SLC16A7: variants seen among roughly 807,000 people sequenced by gnomAD.
SLC16A7 encodes monocarboxylate transporter 2.
A neutral mutation model predicts 34.9 loss-of-function variants in SLC16A7; 33 were observed. The ratio of observed to expected loss-of-function variants is 0.94; its 90% CI spans 0.72 to 1.26. The LOEUF (loss-of-function observed/expected upper bound fraction) is 1.26. Ranked by LOEUF, SLC16A7 falls within the 50% of genes most tolerant of loss-of-function variation. The pLI, the probability that SLC16A7 is intolerant of heterozygous loss-of-function variation, is 0.00. For synonymous variants in SLC16A7, 201 were observed against 206.6 expected, an observed-to-expected ratio of 0.97 and a Z score of 0.23; for missense variants, 573 against 578.1, an observed-to-expected ratio of 0.99 and a Z score of 0.09.
intron 2 of SLC16A7, among the ~76,000 whole-genome samples, chr12:59,681,956 C>T (rs191196570): frequency 0.071 from 10,808 of 152,128 alleles, 424 homozygotes; most frequent in Middle Eastern, 0.17. Flanking sequence ...AATCTCATAA[C>T]ACAGCTTCAT....
chr12:59,736,862 C>A (rs975618724), intron 3 of SLC16A7, among the ~76,000 whole-genome samples: 10 of 152,212 alleles, frequency 6.6e-5, no homozygotes, highest in African/African-American at 2.4e-4. Context: ...GCCTTCCAAT[C>A]CCTCCCACTG....
chr12:59,688,448 T>C (rs1455794909), intron 2 of SLC16A7, among the ~76,000 whole-genome samples: 1 of 152,084 alleles, frequency 6.6e-6, no homozygotes, highest in African/African-American at 2.4e-5. Flanking sequence ...ACAAGATATT[T>C]GACATCTTTG....
chr12:59,697,021 CAT>C (rs1281769828), intron 2 of SLC16A7, among the ~76,000 whole-genome samples: 4 of 151,744 alleles, frequency 2.6e-5, no homozygotes, highest in South Asian at 4.1e-4. Flanking sequence ...AACGCTTAAT[CAT>C]ATGTTTTTTA....
At chr12:59,708,217 T>A (rs1184246711) in intron 3 of SLC16A7, among the ~76,000 whole-genome samples, 1 of 152,094 alleles carries the variant, frequency 6.6e-6, no homozygotes, top group Non-Finnish European at 1.5e-5. Flanking sequence ...TTACTCACAT[T>A]GCAGTCTTTC....
chr12:59,754,118 G>T (rs1337838676), intron 3 of SLC16A7, among the ~76,000 whole-genome samples: 2 of 152,080 alleles, frequency 1.3e-5, no homozygotes, highest in Non-Finnish European at 2.9e-5. Flanking sequence ...TGTGTAGAGG[G>T]AAATTTATAG....
At chr12:59,744,866 G>A (rs1033128455) in intron 3 of SLC16A7, among the ~76,000 whole-genome samples, 8 of 152,114 alleles carry the variant, frequency 5.3e-5, no homozygotes, top group African/African-American at 1.7e-4. Flanking sequence ...TCCCTCTTGC[G>A]AGGGGTGAAA....
intron 3 of SLC16A7, among the ~76,000 whole-genome samples, chr12:59,712,220 G>C (rs1330281109): frequency 6.6e-6 from 1 of 152,148 alleles, no homozygotes; most frequent in Non-Finnish European, 1.5e-5. Flanking sequence ...ATTATGCAGT[G>C]AAACTGCAGA....
At chr12:59,718,103 G>A (rs954784484) in intron 3 of SLC16A7, among the ~76,000 whole-genome samples, 1 of 152,046 alleles carries the variant, frequency 6.6e-6, no homozygotes, top group African/African-American at 2.4e-5. Flanking sequence ...AATTTAATAA[G>A]GTCAAAATTA....
rs760568544 is a variant in SLC16A7, at chr12:59,642,819, A to G, written c.-129-12333A>G. 3.3e-5 allele frequency among the ~76,000 whole-genome samples: 5 copies of G among 152,094 alleles called. No homozygotes were observed. The South Asian group carries it at 6.2e-4, about 19-fold the overall frequency. ...GAGTTCAGTTGAGATAGATTCCATAATTGTTGTGAAGAATTTGGAAATTGT... is the reference window on the plus strand; with the variant it reads ...GAGTTCAGTTGAGATAGATTCCATAGTTGTTGTGAAGAATTTGGAAATTGT... On this transcript the variant is annotated intron_variant, in intron 1 of 5. Coordinates refer to ENST00000547379, the MANE Select transcript of SLC16A7 (RefSeq NM_001270623.2).
chr12:59,629,679 G>T (rs1296083859), intron 1 of SLC16A7, among the ~76,000 whole-genome samples: 1 of 151,836 alleles, frequency 6.6e-6, no homozygotes, highest in Non-Finnish European at 1.5e-5. Context: ...AGATTTTATT[G>T]TCATTGCCAC....
At chr12:59,749,911 A>G (rs906616588) in intron 3 of SLC16A7, among the ~76,000 whole-genome samples, 6 of 152,222 alleles carry the variant, frequency 3.9e-5, no homozygotes, top group Non-Finnish European at 7.3e-5. Context: ...GAAAGTTTCC[A>G]AACCAGCGCC....
Position 59,771,244 on chromosome 12 carries a change from T to C in SLC16A7, c.243T>C (p.Asn81=). The C allele has an allele frequency of 6.2e-7, 1 of 1,613,292 alleles. No individual in the cohort carries two copies. Among genetic ancestry groups the C allele is most frequent in the Non-Finnish European group, 8.5e-7 (1 of 1,179,536 alleles). ...GTCCTGTAAGTAGTGTTTTGGTGAA[T>C]AAATACGGCAGCCGGCCGGTGGTGA... ...AGGPVSSVLV[N]KYGSRPVVIA... is the part of the protein sequence containing the mutation. Residue 81 remains asparagine (N), a synonymous_variant, in exon 4 of 6, where the codon AAT becomes AAC. Coordinates refer to ENST00000547379, the MANE Select transcript of SLC16A7 (RefSeq NM_001270623.2).
At chr12:59,694,560 A>G (rs1490944859) in intron 2 of SLC16A7, among the ~76,000 whole-genome samples, 1 of 151,922 alleles carries the variant, frequency 6.6e-6, no homozygotes, top group Non-Finnish European at 1.5e-5. Context: ...CTCATTCCAC[A>G]TGGTTTAAGT....
rs933182380 is a variant in SLC16A7 at position 59,786,094 on chromosome 12, G to A, written c.*6415G>A. ...AGATATACCTAATGCTAGGTGACGA[G>A]TTAGTGGGTGCAGCGCACCAGCATG... On this transcript the variant is annotated 3_prime_UTR_variant, in exon 6 of 6. Coordinates refer to ENST00000547379, the MANE Select transcript of SLC16A7 (RefSeq NM_001270623.2). 1.5e-4 allele frequency: 22 copies of A among 151,444 alleles called. No individual in the cohort carries two copies. Among genetic ancestry groups the A allele is most frequent in the African/African-American group, 5.3e-4 (22 of 41,278 alleles). 9.4% of individuals were successfully genotyped at this position (151,444 alleles called of 1,614,324 possible). A position where few individuals can be genotyped will look rare whatever the true frequency, so the allele number is the denominator to read the frequency against.
At chr12:59,683,691 A>G (rs1420420912) in intron 2 of SLC16A7, among the ~76,000 whole-genome samples, 1 of 152,200 alleles carries the variant, frequency 6.6e-6, no homozygotes, top group Non-Finnish European at 1.5e-5. Flanking sequence ...TGCAAGAGGT[A>G]GAGAATTGGA....
At chr12:59,633,308 G>A (rs1206962928) in intron 1 of SLC16A7, among the ~76,000 whole-genome samples, 1 of 152,034 alleles carries the variant, frequency 6.6e-6, no homozygotes, top group South Asian at 2.1e-4. Context: ...GTGCATTATG[G>A]CTGCCAAAGT....
At chr12:59,763,534 C>T (rs1222644086) in intron 3 of SLC16A7, among the ~76,000 whole-genome samples, 1 of 152,064 alleles carries the variant, frequency 6.6e-6, no homozygotes, top group Non-Finnish European at 1.5e-5. Flanking sequence ...GTCTCAAAAA[C>T]ATTTACCAAA....
chr12:59,705,026 T>C lies in SLC16A7; in HGVS notation c.217+8T>C, dbSNP rs1463349679. ...CTGTTATGTACGCAGGAGGTAAGCT[T>C]CTTGCAATAAATAGAATCCTGAATT... On this transcript the variant is annotated splice_region_variant and intron_variant, in intron 3 of 5. Coordinates refer to ENST00000547379, the MANE Select transcript of SLC16A7 (RefSeq NM_001270623.2). The C allele has an allele frequency of 1.9e-6, 3 of 1,568,260 alleles. No individual in the cohort carries two copies. The highest frequency in any genetic ancestry group is 2.2e-5 in the South Asian group (2 of 90,130).
intron 3 of SLC16A7, among the ~76,000 whole-genome samples, chr12:59,738,560 T>A (rs1877878721): frequency 6.6e-6 from 1 of 152,192 alleles, no homozygotes; most frequent in Non-Finnish European, 1.5e-5. Context: ...ATATAAAGTA[T>A]TTTTCATTCA....
Sources: gnomAD v4.1 joint callset for allele counts (sites outside exome capture counted in the v4.1 genomes callset) on GRCh38, gnomAD v4.1.1 for gene constraint, MANE v1.5 for transcripts, NCBI Gene and HGNC (gene_info 2026-07-23, HGNC 2026-07-21) for gene names.